ADAM23: variants seen among roughly 807,000 people sequenced by gnomAD.
ADAM23 encodes the protein disintegrin and metalloproteinase domain-containing protein 23.
Under a neutral mutation model 120.1 loss-of-function variants are expected in ADAM23, and 33 were observed. That is an observed-to-expected ratio of 0.27 (90% CI 0.21 to 0.37). The LOEUF is 0.37. ADAM23 is among the 10% of genes least tolerant of loss of function. ADAM23 has a pLI of 1.00. For missense variants in ADAM23, 862 were observed against 1,058.2 expected (o/e 0.81, Z 2.57); for synonymous variants, 367 against 375.2 (o/e 0.98, Z 0.25).
chr2:206,497,868 CAG>C (rs1404281207), intron 3 of ADAM23, among the ~76,000 whole-genome samples: 2 of 152,084 alleles, frequency 1.3e-5, no homozygotes, highest in African/African-American at 4.8e-5. Flanking sequence ...AACAGACAAA[CAG>C]AGAGCCAAAT....
At chr2:206,592,783 A>G in intron 22 of ADAM23, 47 bp downstream of exon 22, 1 of 1,546,126 alleles carries the variant, frequency 6.5e-7, no homozygotes, top group Admixed American at 2.0e-5. Flanking sequence ...GAGAATTACA[A>G]ATTTCACAAA....
chr2:206,467,201 A>G (rs1163070604), intron 2 of ADAM23, among the ~76,000 whole-genome samples: 3 of 152,178 alleles, frequency 2.0e-5, no homozygotes, highest in Non-Finnish European at 4.4e-5. Flanking sequence ...AAATCCAGTC[A>G]TGCCTTCTGA....
chr2:206,524,093 C>T (rs796738865), intron 3 of ADAM23, among the ~76,000 whole-genome samples: 6 of 152,214 alleles, frequency 3.9e-5, no homozygotes, highest in African/African-American at 1.4e-4. Context: ...AACTTAAGTA[C>T]TTTCAAGCAG....
intron 3 of ADAM23, among the ~76,000 whole-genome samples, chr2:206,492,207 G>A (rs1045711826): frequency 8.8e-4 from 134 of 152,284 alleles, no homozygotes; most frequent in African/African-American, 3.1e-3. Flanking sequence ...AGGTAGAAAT[G>A]GATAACAAGG....
chr2:206,518,868 T>C (rs1696785793), intron 3 of ADAM23, among the ~76,000 whole-genome samples: 1 of 152,170 alleles, frequency 6.6e-6, no homozygotes, highest in Non-Finnish European at 1.5e-5. Flanking sequence ...CCTGAAGTCA[T>C]CCCAGTATGC....
intron 3 of ADAM23, among the ~76,000 whole-genome samples, chr2:206,528,263 T>C (rs1696981149): frequency 6.6e-6 from 1 of 152,220 alleles, no homozygotes; most frequent in Admixed American, 6.5e-5. Context: ...TATATCATAG[T>C]GCTGGTAGCC....
chr2:206,478,584 G>A (rs1484938615), intron 2 of ADAM23, among the ~76,000 whole-genome samples: 1 of 152,036 alleles, frequency 6.6e-6, no homozygotes, highest in African/African-American at 2.4e-5. Context: ...TGAGGGAGTG[G>A]CCATTTAGGA....
intron 21 of ADAM23, among the ~76,000 whole-genome samples, chr2:206,591,265 C>T (rs76555588): frequency 9.9e-5 from 15 of 152,224 alleles, no homozygotes; most frequent in African/African-American, 3.6e-4. Flanking sequence ...CATGTCACTC[C>T]TACATGGGTC....
At chr2:206,454,412 A>G (rs1695254488) in intron 2 of ADAM23, among the ~76,000 whole-genome samples, 2 of 152,146 alleles carry the variant, frequency 1.3e-5, no homozygotes, top group South Asian at 4.1e-4. Context: ...CCCTACCCCA[A>G]CACTAAGGAT....
intron 2 of ADAM23, among the ~76,000 whole-genome samples, chr2:206,467,074 T>C: frequency 6.6e-6 from 1 of 150,904 alleles, no homozygotes; most frequent in Non-Finnish European, 1.5e-5. Flanking sequence ...CTCCCAACAG[T>C]CCACACCTCC....
intron 2 of ADAM23, among the ~76,000 whole-genome samples, chr2:206,477,481 T>C (rs1339266735): frequency 1.3e-5 from 2 of 152,128 alleles, no homozygotes; most frequent in African/African-American, 4.8e-5. Flanking sequence ...TGTGAAATGA[T>C]GTTCTTTGGC....
chr2:206,487,736 A>T (rs945220638), intron 3 of ADAM23, among the ~76,000 whole-genome samples: 4 of 152,234 alleles, frequency 2.6e-5, no homozygotes, highest in African/African-American at 9.6e-5. Flanking sequence ...GGATGCATCA[A>T]GGGTAATGCC....
intron 10 of ADAM23, among the ~76,000 whole-genome samples, chr2:206,559,196 G>A (rs550349482): frequency 6.6e-6 from 1 of 152,080 alleles, no homozygotes; most frequent in Non-Finnish European, 1.5e-5. Flanking sequence ...CACCCGCCTC[G>A]GCCTTCCAAA....
At chr2:206,588,215 T>C (rs1415879995) in intron 20 of ADAM23, 61 bp downstream of exon 20, 1 of 1,558,420 alleles carries the variant, frequency 6.4e-7, no homozygotes, top group African/African-American at 1.4e-5. Context: ...AGTGTTCTTC[T>C]CTGCCAGTCT....
In ADAM23 at chr2:206,592,605, A is replaced by G. The variant is rs373060656; in HGVS notation, c.1959-12A>G. ...CCTGTCTGGTCTGTTTGTTTTCTTTACACATGTTCAGTGATGTGTTCTGTG... is the reference window on the plus strand; with the variant it reads ...CCTGTCTGGTCTGTTTGTTTTCTTTGCACATGTTCAGTGATGTGTTCTGTG... On this transcript the variant is annotated splice_polypyrimidine_tract_variant and intron_variant, in intron 21 of 25. Transcript: ENST00000264377. The G allele has an allele frequency of 3.7e-6, 6 of 1,611,862 alleles. No homozygotes were observed. The African/African-American group carries it at 8.0e-5, about 22-fold the overall frequency.
rs182559826 is a variant in ADAM23 at position 206,470,310 on chromosome 2, A to G, written c.433-10922A>G. On this transcript the variant is annotated intron_variant, in intron 2 of 25. Coordinates refer to ENST00000264377, the MANE Select transcript of ADAM23 (RefSeq NM_003812.4). ...CATCTAATTTTCTAGGTTCACATTT[A>G]GAAAAAAAAATGGAGTTTTAATAGG... 2.6e-5 allele frequency among the ~76,000 whole-genome samples: 4 copies of G among 152,286 alleles called. No individual in the cohort carries two copies. The East Asian group carries it at 7.7e-4, about 29-fold the overall frequency.
At chr2:206,581,898 A>T (rs542976834) in intron 18 of ADAM23, among the ~76,000 whole-genome samples, 22 of 149,084 alleles carry the variant, frequency 1.5e-4, no homozygotes, top group African/African-American at 5.2e-4. Context: ...TTTTTTTGAG[A>T]TGGAGTTTCG....
chr2:206,539,960 T>C (rs1419633614), intron 4 of ADAM23, among the ~76,000 whole-genome samples: 1 of 152,180 alleles, frequency 6.6e-6, no homozygotes, highest in Non-Finnish European at 1.5e-5. Flanking sequence ...ATTAAAACTT[T>C]CTTATGATGA....
chr2:206,468,061 C>G (rs1480769418), intron 2 of ADAM23, among the ~76,000 whole-genome samples: 1 of 152,144 alleles, frequency 6.6e-6, no homozygotes, highest in Non-Finnish European at 1.5e-5. Flanking sequence ...GCCAGTGAAA[C>G]AATTCAATTC....
Sources: gnomAD v4.1 joint callset for allele counts (sites outside exome capture counted in the v4.1 genomes callset) on GRCh38, gnomAD v4.1.1 for gene constraint, MANE v1.5 for transcripts, NCBI Gene and HGNC (gene_info 2026-07-23, HGNC 2026-07-21) for gene names.